TRAPPC12: variants seen among roughly 807,000 people sequenced by gnomAD.
TRAPPC12 encodes the protein trafficking protein particle complex subunit 12, also known as TPR repeat protein 15.
A neutral mutation model predicts 69.2 loss-of-function variants in TRAPPC12; 61 were observed. The ratio of observed to expected loss-of-function variants is 0.88; its 90% CI spans 0.72 to 1.09. The LOEUF (loss-of-function observed/expected upper bound fraction) is 1.09, where lower values mean the gene tolerates loss of function less well. Ranked by LOEUF, TRAPPC12 falls within the 50% of genes least tolerant of loss-of-function variation. The pLI is 0.00. For synonymous variants in TRAPPC12, 469 were observed against 438.9 expected (o/e 1.07, Z -0.86); for missense variants, 1,101 against 1,016.4 (o/e 1.08, Z -1.13).
intron 7 of TRAPPC12, chr2:3,460,010 A>G: frequency 1.7e-6 from 1 of 594,548 alleles, no homozygotes; most frequent in Non-Finnish European, 3.0e-6. Flanking sequence ...GTCTGGGCTG[A>G]TGCTGAGCAG....
At chr2:3,462,820 G>A (rs749631234) in intron 8 of TRAPPC12, 22 of 443,522 alleles carry the variant, frequency 5.0e-5, no homozygotes, top group South Asian at 3.5e-4. Context: ...TCCCCCGGGT[G>A]CCCCTGGGAG....
chr2:3,383,408 G>A (rs888336376), intron 1 of TRAPPC12, among the ~76,000 whole-genome samples: 3 of 72,014 alleles, frequency 4.2e-5, no homozygotes, highest in Admixed American at 1.6e-4. Context: ...CCCCACCCCC[G>A]CCCCGCCCGA....
At chr2:3,470,759 A>T (rs1385681660) in intron 9 of TRAPPC12, among the ~76,000 whole-genome samples, 1 of 152,200 alleles carries the variant, frequency 6.6e-6, no homozygotes, top group Non-Finnish European at 1.5e-5. Context: ...CACTAATCAA[A>T]AAGGAAGTAT....
chr2:3,416,170 C>A (rs530454656), intron 3 of TRAPPC12, among the ~76,000 whole-genome samples: 1 of 152,154 alleles, frequency 6.6e-6, no homozygotes, highest in African/African-American at 2.4e-5. Flanking sequence ...GGACATACCT[C>A]CTCTTAGGTG....
chr2:3,417,582 G>A (rs999637271), intron 3 of TRAPPC12, among the ~76,000 whole-genome samples: 4 of 152,044 alleles, frequency 2.6e-5, no homozygotes, highest in Admixed American at 6.5e-5. Flanking sequence ...CCTCTTCGTC[G>A]GCCTTGTGTC....
chr2:3,415,476 G>A (rs938616058), intron 3 of TRAPPC12, among the ~76,000 whole-genome samples: 2 of 150,986 alleles, frequency 1.3e-5, no homozygotes, highest in African/African-American at 2.5e-5. Context: ...TGCGATCTCC[G>A]CTCACTGCAA....
intron 2 of TRAPPC12, among the ~76,000 whole-genome samples, chr2:3,392,779 C>T (rs1049943665): frequency 2.6e-5 from 4 of 152,050 alleles, no homozygotes; most frequent in Admixed American, 6.6e-5. Context: ...TGGAGGTGCC[C>T]GAAAAAGTTA....
At chr2:3,429,060 T>G (rs780839500) in intron 5 of TRAPPC12, among the ~76,000 whole-genome samples, 15 of 152,238 alleles carry the variant, frequency 9.9e-5, no homozygotes, top group Non-Finnish European at 5.9e-5. Flanking sequence ...AGGTGGAAGC[T>G]GCTTGCATCA....
At chr2:3,381,844 C>G (rs1485283738) in intron 1 of TRAPPC12, among the ~76,000 whole-genome samples, 1 of 152,172 alleles carries the variant, frequency 6.6e-6, no homozygotes, top group African/African-American at 2.4e-5. Flanking sequence ...TATATCCTGG[C>G]TTTTCTTTGT....
intron 3 of TRAPPC12, 103 bp downstream of exon 3, chr2:3,401,996 C>G: frequency 1.2e-6 from 1 of 809,624 alleles, no homozygotes; most frequent in Non-Finnish European, 1.9e-6. Context: ...TTATTCAAAG[C>G]TCTTGCACAT....
At chr2:3,417,278 G>T (rs1175204672) in intron 3 of TRAPPC12, among the ~76,000 whole-genome samples, 10 of 152,048 alleles carry the variant, frequency 6.6e-5, no homozygotes, top group East Asian at 3.9e-4. Context: ...TGTTTTATTG[G>T]TTAGTTTGTT....
Position 3,420,186 on chromosome 2 carries a change from T to TA in TRAPPC12, c.1165-1685dup, listed in dbSNP as rs112164644. On this transcript the variant is annotated intron_variant, in intron 3 of 11. Transcript: ENST00000324266. ...TGTGGACAGTAGGATGTTCAGCATT[T>TA]AAAAAAAAAACAACTATCAACCCCT... is the stretch of plus-strand genomic sequence containing the variant. Among the ~76,000 whole-genome samples, 164 of 148,910 alleles carry TA rather than the reference T, an allele frequency of 1.1e-3. 2 individuals carry two copies. Among genetic ancestry groups the TA allele is most frequent in the South Asian group, 4.5e-3 (21 of 4,702 alleles).
Position 3,388,014 on chromosome 2 carries a change from C to A in TRAPPC12, c.391C>A (p.Pro131Thr). 1 of 1,470,594 alleles carries A rather than the reference C, an allele frequency of 6.8e-7. No individual in the cohort carries two copies. Among genetic ancestry groups the A allele is most frequent in the Non-Finnish European group, 8.9e-7 (1 of 1,117,826 alleles). 91.1% of individuals were successfully genotyped at this position (1,470,594 alleles called of 1,614,324 possible). A position where few individuals can be genotyped will look rare whatever the true frequency, so the allele number is the denominator to read the frequency against. The change falls in exon 2 of 12, where the codon CCG becomes ACG. Residue 131 changes from proline to threonine, a missense_variant. Transcript: ENST00000324266. ...EDAAPSSGGA[P>T]RQDAAREVPG... ...CGCGGCACCCAGTAGCGGAGGGGCC[C>A]CGAGGCAGGACGCGGCCCGCGAGGT... is the stretch of plus-strand genomic sequence containing the variant.
At chr2:3,421,046 G>A (rs1474175316) in intron 3 of TRAPPC12, among the ~76,000 whole-genome samples, 2 of 152,200 alleles carry the variant, frequency 1.3e-5, no homozygotes, top group African/African-American at 4.8e-5. Flanking sequence ...CAGGCAGGAG[G>A]TACTTAAAGC....
At position 3,435,980 on chromosome 2, in the gene TRAPPC12, G is replaced by A. The variant is rs568803780; in HGVS notation, c.1418-7799G>A. 3.3e-5 allele frequency among the ~76,000 whole-genome samples: 5 copies of A among 152,310 alleles called. No homozygotes were observed. In the East Asian group the frequency reaches 9.6e-4, roughly 29 times the overall value. On this transcript the variant is annotated intron_variant, in intron 5 of 11. Transcript: ENST00000324266. ...ATATTACCTGATAACCTTTGAGTTA[G>A]CGAATTTTAATTTCACATCAGTAAG...
At chr2:3,425,531 A>G (rs574048447) in intron 5 of TRAPPC12, among the ~76,000 whole-genome samples, 12 of 152,280 alleles carry the variant, frequency 7.9e-5, no homozygotes, top group Admixed American at 2.0e-4. Flanking sequence ...TGTCCTAAAG[A>G]TCAAATGATG....
intron 4 of TRAPPC12, 24 bp downstream of exon 4, chr2:3,422,018 G>T: frequency 6.4e-7 from 1 of 1,571,628 alleles, no homozygotes; most frequent in Non-Finnish European, 8.7e-7. Flanking sequence ...TCAGGTGCTG[G>T]AGTTTAACCT....
intron 1 of TRAPPC12, 60 bp from the exon 2 acceptor site, chr2:3,387,560 T>G: frequency 2.3e-6 from 3 of 1,312,572 alleles, no homozygotes; most frequent in East Asian, 5.2e-5. Context: ...CAATACTCAT[T>G]TTTCGGTTGA....
At chr2:3,479,027 T>G (rs1033468987) in intron 11 of TRAPPC12, 94 bp downstream of exon 11, 21 of 1,485,956 alleles carry the variant, frequency 1.4e-5, no homozygotes, top group African/African-American at 6.9e-5. Flanking sequence ...GCCTGCGCTC[T>G]CTCTCTCCAG....
Sources: gnomAD v4.1 joint callset for allele counts (sites outside exome capture counted in the v4.1 genomes callset) on GRCh38, gnomAD v4.1.1 for gene constraint, MANE v1.5 for transcripts, NCBI Gene and HGNC (gene_info 2026-07-23, HGNC 2026-07-21) for gene names.